RAB37: variants seen among roughly 807,000 people sequenced by gnomAD.
The protein encoded by RAB37 is RAB37, member RAS oncogene family.
Under a neutral mutation model 33.1 loss-of-function variants are expected in RAB37, and 29 were observed. The observed-to-expected ratio is 0.88, with a 90% CI of 0.65 to 1.20. The LOEUF is 1.20. RAB37 is among the 50% of genes most tolerant of loss of function. RAB37 has a pLI of 0.00. For missense variants in RAB37, 299 were observed against 301.1 expected, an observed-to-expected ratio of 0.99 and a Z score of 0.05; for synonymous variants, 128 against 119.5, an observed-to-expected ratio of 1.07 and a Z score of -0.47.
In RAB37 at chr17:74,742,175, G is replaced by C. The variant is rs2034634709; in HGVS notation, c.205-79G>C. ...ACTGCACCCACTCTAGGCCTGGAGA[G>C]GGAACAAGACAGGACGTCTGCAGAG... On this transcript the variant is annotated intron_variant, in intron 2 of 8. Coordinates refer to ENST00000392613, the MANE Select transcript of RAB37 (RefSeq NM_001006638.3). The surrounding 1 kb of genome is among the most constrained non-coding windows in gnomAD (Gnocchi z 4.0). 1 of 1,562,292 alleles carries C rather than the reference G, an allele frequency of 6.4e-7. No individual in the cohort carries two copies. The highest frequency in any genetic ancestry group is 8.7e-7 in the Non-Finnish European group (1 of 1,150,182).
At chr17:74,723,322 C>A (rs1308121636) in intron 1 of RAB37, among the ~76,000 whole-genome samples, 1 of 152,164 alleles carries the variant, frequency 6.6e-6, no homozygotes, top group Non-Finnish European at 1.5e-5. Context: ...CCTAACCTCA[C>A]TCTGGGATGG....
At chr17:74,712,120 C>G (rs899664741) in intron 1 of RAB37, among the ~76,000 whole-genome samples, 2 of 151,960 alleles carry the variant, frequency 1.3e-5, no homozygotes, top group African/African-American at 4.8e-5. Context: ...ACATGTTACC[C>G]AAGCTGGTCT....
At chr17:74,737,476 G>A (rs2034507461) in intron 1 of RAB37, 111 bp downstream of exon 1, 2 of 1,230,144 alleles carry the variant, frequency 1.6e-6, no homozygotes, top group South Asian at 3.0e-5. Context: ...TCCCAGAGGA[G>A]GGAGGGAGAG....
intron 1 of RAB37, among the ~76,000 whole-genome samples, chr17:74,681,186 G>A (rs546843479): frequency 6.6e-6 from 1 of 152,338 alleles, no homozygotes; most frequent in South Asian, 2.1e-4. Context: ...TGCCCATGAA[G>A]GTCAAAGACC....
Position 74,729,261 on chromosome 17 carries a change from C to A in RAB37, c.78C>A (p.Ile26=), listed in dbSNP as rs777648186. The change falls in exon 2 of 8, where the codon ATC becomes ATA. Residue 26 remains isoleucine, a synonymous_variant. Coordinates refer to the RAB37 transcript ENST00000340415. This position sits in a 1 kb window ranked among gnomAD's most constrained non-coding sequence, Gnocchi z 4.2. ...TCTCTATTGTTCCCTTCCAGACCAT[C>A]CTGGTGGGTGACAGTGGTGTGGGAA... 7 of 1,613,242 alleles carry A rather than the reference C, an allele frequency of 4.3e-6. No individual in the cohort carries two copies. The highest frequency in any genetic ancestry group is 1.3e-5 in the African/African-American group (1 of 74,878).
chr17:74,693,754 T>G (rs2143513137), intron 1 of RAB37, among the ~76,000 whole-genome samples: 1 of 151,800 alleles, frequency 6.6e-6, no homozygotes, highest in African/African-American at 2.4e-5. Context: ...CAAGGTAAAA[T>G]CCCATCTCTA....
rs1259593762 is a variant in RAB37 at position 74,742,841 on chromosome 17, G to T, written c.247-288G>T. ...GGGGTTTCACTGTGTTAGCCAGGAT[G>T]GTCTGGATCTCCTGACCTCGTGATC... On this transcript the variant is annotated intron_variant, in intron 3 of 8. Coordinates refer to ENST00000392613, the MANE Select transcript of RAB37 (RefSeq NM_001006638.3). The surrounding 1 kb of genome is among the most constrained non-coding windows in gnomAD (Gnocchi z 4.0). Among the ~76,000 whole-genome samples the T allele has an allele frequency of 6.6e-6, 1 of 152,060 alleles. No homozygotes were observed. The highest frequency in any genetic ancestry group is 1.5e-5 in the Non-Finnish European group (1 of 68,004).
chr17:74,745,009 A>G lies in RAB37; in HGVS notation c.491A>G (p.Glu164Gly), dbSNP rs963741004. 3 of 1,614,258 alleles carry G rather than the reference A, an allele frequency of 1.9e-6. No homozygotes were observed. The highest frequency in any genetic ancestry group is 2.5e-6 in the Non-Finnish European group (3 of 1,180,050). The change falls in exon 8 of 9, where the codon GAG (glutamate) becomes GGG (glycine). Residue 164 changes from glutamate to glycine, a missense_variant and splice_region_variant. Physicochemically the swap from Glu to Gly is moderately conservative, Grantham distance 98. Coordinates refer to ENST00000392613, the MANE Select transcript of RAB37 (RefSeq NM_001006638.3). The surrounding 1 kb of genome is among the most constrained non-coding windows in gnomAD (Gnocchi z 4.5). Reference protein sequence around the residue: ...RSEDGETLAREYGVPFLETSA... With the variant: ...RSEDGETLARGYGVPFLETSA... Reference sequence around the variant, plus strand: ...CTGAGGACACTCTCTCCCGGGCAGGAGTACGGTGTTCCCTTCCTGGAGACC... The same window carrying G: ...CTGAGGACACTCTCTCCCGGGCAGGGGTACGGTGTTCCCTTCCTGGAGACC...
At chr17:74,696,043 G>A in intron 1 of RAB37, 1 of 1,246,094 alleles carries the variant, frequency 8.0e-7, no homozygotes, top group Non-Finnish European at 1.1e-6. Context: ...CTGTTTCCAG[G>A]CCCTCAGCCC....
chr17:74,708,342 C>T (rs1359367426), intron 1 of RAB37, among the ~76,000 whole-genome samples: 3 of 151,828 alleles, frequency 2.0e-5, no homozygotes, highest in East Asian at 3.9e-4. Flanking sequence ...TTACCAAACA[C>T]GTAAAGAAGA....
Position 74,688,041 on chromosome 17 carries a change from C to T in RAB37, c.72+16383C>T, listed in dbSNP as rs868491882. Among the ~76,000 whole-genome samples, 17 of 152,258 alleles carry T rather than the reference C, an allele frequency of 1.1e-4. 1 individual carries two copies. The South Asian group carries it at 1.7e-3, about 15-fold the overall frequency. ...GAATAGAAACTTTGTTAAGCAACCC[C>T]TCACTTAACCAACTTATTAGGTCAA... On this transcript the variant is annotated intron_variant, in intron 1 of 7. Transcript: ENST00000340415.
In RAB37 at chr17:74,730,918, G is replaced by A. The variant is rs966894586; in HGVS notation, c.183+1552G>A. ...CCTGTGAAGGAAAAAGAAAGTGTGT[G>A]GTCAAACTGTTTGTCTAGCCTGAGA... On this transcript the variant is annotated intron_variant, in intron 2 of 7. Coordinates refer to the RAB37 transcript ENST00000340415. This position sits in a 1 kb window ranked among gnomAD's most constrained non-coding sequence, Gnocchi z 4.4. Among the ~76,000 whole-genome samples, 1 of 152,354 alleles carries A rather than the reference G, an allele frequency of 6.6e-6. No homozygotes were observed. The highest frequency in any genetic ancestry group is 1.9e-4 in the East Asian group (1 of 5,180).
At chr17:74,704,436 G>A (rs1202563943) in intron 1 of RAB37, 3 of 1,377,272 alleles carry the variant, frequency 2.2e-6, no homozygotes, top group Admixed American at 1.8e-5. Flanking sequence ...CCAGGACAGA[G>A]CAGGCCCTGA....
intron 1 of RAB37, among the ~76,000 whole-genome samples, chr17:74,711,983 C>T (rs544126712): frequency 6.7e-6 from 1 of 148,660 alleles, no homozygotes; most frequent in African/African-American, 2.5e-5. Context: ...CAGGTCACTG[C>T]AGCCTCCAAC....
intron 1 of RAB37, among the ~76,000 whole-genome samples, chr17:74,695,562 C>T (rs550862137): frequency 2.0e-5 from 3 of 152,292 alleles, no homozygotes; most frequent in Non-Finnish European, 4.4e-5. Context: ...TGAGACTTGC[C>T]TGTGGGAGCT....
chr17:74,696,057 G>A, intron 1 of RAB37: 1 of 1,286,488 alleles, frequency 7.8e-7, no homozygotes, highest in Non-Finnish European at 1.1e-6. Flanking sequence ...TCAGCCCCCA[G>A]GCCCTGCAGG....
rs1424924102 is a variant in RAB37 at position 74,738,243 on chromosome 17, C to A, written c.93+878C>A. ...CTGCATGGCCTTGAAGGAGACCTGCCTCTCTCTGGGCCTCGGTTTCCTCCC... is the reference window on the plus strand; with the variant it reads ...CTGCATGGCCTTGAAGGAGACCTGCATCTCTCTGGGCCTCGGTTTCCTCCC... On this transcript the variant is annotated intron_variant, in intron 1 of 8. Coordinates refer to ENST00000392613, the MANE Select transcript of RAB37 (RefSeq NM_001006638.3). The surrounding 1 kb of genome is among the most constrained non-coding windows in gnomAD (Gnocchi z 5.0). Among the ~76,000 whole-genome samples, 5 of 152,164 alleles carry A rather than the reference C, an allele frequency of 3.3e-5. No individual in the cohort carries two copies. Among genetic ancestry groups the A allele is most frequent in the Non-Finnish European group, 7.3e-5 (5 of 68,034 alleles).
intron 1 of RAB37, among the ~76,000 whole-genome samples, chr17:74,702,720 C>T (rs1036391884): frequency 2.6e-5 from 4 of 152,172 alleles, no homozygotes; most frequent in Non-Finnish European, 1.5e-5. Flanking sequence ...CTGAGCTCCA[C>T]GGGGACAGTC....
upstream of RAB37, chr17:74,736,865 G>A (rs950029859): frequency 2.6e-6 from 4 of 1,519,812 alleles, no homozygotes; most frequent in African/African-American, 1.4e-5. Context: ...CGCCACCTGG[G>A]GACAGCCCAC....
Sources: gnomAD v4.1 joint callset for allele counts (sites outside exome capture counted in the v4.1 genomes callset) on GRCh38, gnomAD v4.1.1 for gene constraint, Gnocchi (gnomAD v3.1) non-coding constraint, MANE v1.5 for transcripts, NCBI Gene and HGNC (gene_info 2026-07-23, HGNC 2026-07-21) for gene names.